SCIN: variants seen among roughly 807,000 people sequenced by gnomAD.
The protein encoded by SCIN is scinderin, also known as adseverin.
Under a neutral mutation model 91.8 loss-of-function variants are expected in SCIN, and 91 were observed. The ratio of observed to expected loss-of-function variants is 0.99; its 90% CI spans 0.84 to 1.18. The LOEUF is 1.18. SCIN is among the 50% of genes most tolerant of loss of function. The pLI is 0.00. For synonymous variants in SCIN, 367 were observed against 312.6 expected, an observed-to-expected ratio of 1.17 and a Z score of -1.84; for missense variants, 1,087 against 863.9, an observed-to-expected ratio of 1.26 and a Z score of -3.24.
intron 3 of SCIN, among the ~76,000 whole-genome samples, chr7:12,582,649 C>T (rs759992832): frequency 6.6e-6 from 1 of 152,150 alleles, no homozygotes; most frequent in Non-Finnish European, 1.5e-5. Flanking sequence ...AAGTCCTTTT[C>T]AACTTCAATA....
intron 9 of SCIN, among the ~76,000 whole-genome samples, chr7:12,629,889 T>C (rs1783606881): frequency 6.6e-6 from 1 of 152,092 alleles, no homozygotes; most frequent in Admixed American, 6.6e-5. Context: ...TTATATAATG[T>C]GAAATTCTCT....
intron 3 of SCIN, among the ~76,000 whole-genome samples, chr7:12,602,870 T>C (rs535688043): frequency 1.3e-5 from 2 of 152,194 alleles, no homozygotes. Context: ...AACACAATTA[T>C]AGTGGTCCTG....
intron 9 of SCIN, among the ~76,000 whole-genome samples, chr7:12,633,884 T>C (rs899783505): frequency 6.6e-6 from 1 of 152,202 alleles, no homozygotes; most frequent in Non-Finnish European, 1.5e-5. Context: ...ATGTAGGCTA[T>C]TGACATTAAA....
chr7:12,604,577 G>A lies in SCIN; in HGVS notation c.580G>A (p.Ala194Thr), dbSNP rs1297967772. The stretch of plus-strand genomic sequence containing the variant: ...TGAACGTCTGAAGGCAAACCAGGTA[G>A]CTACTGGCATTCGGTACAATGAAAG... Reference protein sequence around the residue: ...KYERLKANQVATGIRYNERKG... With the variant: ...KYERLKANQVTTGIRYNERKG... Residue 194 changes from alanine (A) to threonine (T), a missense_variant, in exon 4 of 16, where the codon GCT (alanine) becomes ACT (threonine). By Grantham distance (58) the Ala-to-Thr change is moderately conservative. Transcript: ENST00000297029. 3 of 1,551,972 alleles carry A rather than the reference G, an allele frequency of 1.9e-6. No individual in the cohort carries two copies. Among genetic ancestry groups the A allele is most frequent in the Non-Finnish European group, 2.6e-6 (3 of 1,147,010 alleles).
intron 14 of SCIN, among the ~76,000 whole-genome samples, chr7:12,649,951 C>T (rs1378436895): frequency 6.6e-6 from 1 of 151,992 alleles, no homozygotes; most frequent in Non-Finnish European, 1.5e-5. Flanking sequence ...GTAGCCCTCC[C>T]CTGGGGAAGA....
chr7:12,628,090 G>A (rs910579175), intron 8 of SCIN, among the ~76,000 whole-genome samples: 16 of 151,662 alleles, frequency 1.1e-4, no homozygotes, highest in Non-Finnish European at 1.5e-5. Flanking sequence ...CACACACAGT[G>A]CCTGGCAGCC....
At position 12,652,393 on chromosome 7, in the gene SCIN, C is replaced by G. The variant is rs529489811; in HGVS notation, c.2021-195C>G. ...GAAATCAAAAAGAAATTGTATTTGT[C>G]TACCTGGTCAATGGAAATTTATTAC... On this transcript the variant is annotated intron_variant, in intron 15 of 15. Transcript: ENST00000297029. Among the ~76,000 whole-genome samples, 4 of 152,274 alleles carry G rather than the reference C, an allele frequency of 2.6e-5. No homozygotes were observed. The South Asian group carries it at 8.3e-4, about 32-fold the overall frequency.
intron 1 of SCIN, among the ~76,000 whole-genome samples, chr7:12,573,100 T>G (rs1355913811): frequency 1.3e-5 from 2 of 152,156 alleles, no homozygotes; most frequent in Non-Finnish European, 2.9e-5. Context: ...AACAGGACTT[T>G]CAGATGGGAT....
chr7:12,602,665 C>G (rs1365810266), intron 3 of SCIN, among the ~76,000 whole-genome samples: 1 of 152,130 alleles, frequency 6.6e-6, no homozygotes, highest in Non-Finnish European at 1.5e-5. Flanking sequence ...AGCGATATCT[C>G]TCCTACTTGC....
intron 11 of SCIN, among the ~76,000 whole-genome samples, chr7:12,641,011 C>T (rs1446397438): frequency 2.0e-5 from 3 of 152,164 alleles, no homozygotes; most frequent in Non-Finnish European, 4.4e-5. Context: ...GCCATGGTGC[C>T]ATAAGATAAG....
At position 12,609,188 on chromosome 7, in the gene SCIN, G is replaced by T. The variant is rs117330437; in HGVS notation, c.666+4525G>T. 2.5e-3 allele frequency among the ~76,000 whole-genome samples: 386 copies of T among 152,224 alleles called. 3 individuals are homozygous for T. In the East Asian group the frequency reaches 0.031, roughly 12 times the overall value. ...ACCATCATTAACAAGACTGTCTGGG[G>T]AAACAGGATGTGTGCTCACCCTCCT... On this transcript the variant is annotated intron_variant, in intron 4 of 15. Coordinates refer to ENST00000297029, the MANE Select transcript of SCIN (RefSeq NM_001112706.3).
At chr7:12,648,499 G>T (rs1373292680) in intron 13 of SCIN, among the ~76,000 whole-genome samples, 1 of 152,018 alleles carries the variant, frequency 6.6e-6, no homozygotes, top group African/African-American at 2.4e-5. Flanking sequence ...GTTTCACCAT[G>T]TTGGCCAGGC....
rs976610880 is a variant in SCIN, at chr7:12,587,980, C to T, written c.516+6759C>T. Among the ~76,000 whole-genome samples the T allele has an allele frequency of 3.9e-5, 6 of 152,322 alleles. 1 individual carries two copies. The highest frequency in any genetic ancestry group is 9.6e-5 in the African/African-American group (4 of 41,568). ...TCCTCACTTACTCCTGGCCAAAAAG[C>T]TGTAGCAAAATCAAATTTCTTTTAA... On this transcript the variant is annotated intron_variant, in intron 3 of 15. Coordinates refer to ENST00000297029, the MANE Select transcript of SCIN (RefSeq NM_001112706.3).
Position 12,652,758 on chromosome 7 carries a change from T to C in SCIN, c.*43T>C. On this transcript the variant is annotated 3_prime_UTR_variant, in exon 16 of 16. Coordinates refer to ENST00000297029, the MANE Select transcript of SCIN (RefSeq NM_001112706.3). ...GCAAACAAACATTACAAGGCAGTTA[T>C]CTCATTGCTGTTTTGGGAGAGGAAC... is the stretch of plus-strand genomic sequence containing the variant. 1 of 1,575,134 alleles carries C rather than the reference T, an allele frequency of 6.3e-7. No homozygotes were observed. The highest frequency in any genetic ancestry group is 1.7e-4 in the Middle Eastern group (1 of 5,950).
intron 2 of SCIN, among the ~76,000 whole-genome samples, chr7:12,578,788 A>T (rs374254315): frequency 2.0e-5 from 3 of 152,050 alleles, no homozygotes; most frequent in South Asian, 4.1e-4. Context: ...ACACACACGC[A>T]CATACACAAT....
At chr7:12,632,238 C>G (rs1477350133) in intron 9 of SCIN, among the ~76,000 whole-genome samples, 1 of 151,916 alleles carries the variant, frequency 6.6e-6, no homozygotes, top group Non-Finnish European at 1.5e-5. Context: ...TCAAGCTATT[C>G]TCCTGCCTCA....
At chr7:12,603,942 G>A (rs1309706472) in intron 3 of SCIN, among the ~76,000 whole-genome samples, 2 of 151,870 alleles carry the variant, frequency 1.3e-5, no homozygotes, top group Admixed American at 1.3e-4. Context: ...ATTTATTAAA[G>A]TAAATGCCAG....
Position 12,578,909 on chromosome 7 carries a change from GT to G in SCIN, c.354+706del. 2.3e-3 allele frequency among the ~76,000 whole-genome samples: 200 copies of G among 85,838 alleles called. 6 individuals carry two copies. The highest frequency in any genetic ancestry group is 3.6e-3 in the East Asian group (12 of 3,370). The allele number at this position is 85,838 out of a possible 152,430, so 56.3% of individuals were successfully genotyped here. Reference sequence around the variant, plus strand: ...TAAGGCAGCCTTCAGTATAGGACAGGTTTTTTTTTTTTTTTGGCATCCTCCT... The same window carrying G: ...TAAGGCAGCCTTCAGTATAGGACAGGTTTTTTTTTTTTTTGGCATCCTCCT... On this transcript the variant is annotated intron_variant, in intron 2 of 15. Coordinates refer to ENST00000297029, the MANE Select transcript of SCIN (RefSeq NM_001112706.3).
At position 12,596,033 on chromosome 7, in the gene SCIN, C is replaced by T. The variant is rs952904097; in HGVS notation, c.517-8481C>T. ...GGAGTGGAAGTTTATTTTTAAAGAG[C>T]TTAGAACAGGAAGGAAAAGAAAGGA... On this transcript the variant is annotated intron_variant, in intron 3 of 15. Transcript: ENST00000297029. Among the ~76,000 whole-genome samples the T allele has an allele frequency of 2.6e-5, 4 of 152,208 alleles. No homozygotes were observed. The South Asian group carries it at 6.2e-4, about 24-fold the overall frequency.
Sources: gnomAD v4.1 joint callset for allele counts (sites outside exome capture counted in the v4.1 genomes callset) on GRCh38, gnomAD v4.1.1 for gene constraint, MANE v1.5 for transcripts, NCBI Gene and HGNC (gene_info 2026-07-23, HGNC 2026-07-21) for gene names.